The following SPIRE2 variants were observed in gnomAD, a reference collection of about 807,000 sequenced individuals.
SPIRE2 encodes the protein protein spire homolog 2.
SPIRE2 carries 76 observed loss-of-function variants against 80.7 expected under a neutral mutation model. The observed-to-expected ratio is 0.94, with a 90% confidence interval of 0.78 to 1.14. The LOEUF is 1.14. SPIRE2 is among the 50% of genes most tolerant of loss of function. The pLI, the probability that SPIRE2 is intolerant of heterozygous loss-of-function variation, is 0.00. For missense variants in SPIRE2, 1,196 were observed against 1,015.3 expected, an observed-to-expected ratio of 1.18 and a Z score of -2.42; for synonymous variants, 535 against 432.6, an observed-to-expected ratio of 1.24 and a Z score of -2.94.
chr16:89,866,570 C>A (rs1350461454), intron 12 of SPIRE2, among the ~76,000 whole-genome samples: 1 of 152,018 alleles, frequency 6.6e-6, no homozygotes, highest in Admixed American at 6.6e-5. Flanking sequence ...GCTGGGATTA[C>A]AGCGGTGAGC....
intron 14 of SPIRE2, 82 bp from the exon 15 acceptor site, chr16:89,869,968 G>A: frequency 8.1e-7 from 1 of 1,234,254 alleles, no homozygotes; most frequent in East Asian, 2.5e-5. Flanking sequence ...AGCCAGGAGG[G>A]GGCTGTGGCA....
chr16:89,849,365 G>C (rs1344389931), intron 2 of SPIRE2, among the ~76,000 whole-genome samples: 1 of 152,336 alleles, frequency 6.6e-6, no homozygotes. Flanking sequence ...CCATGCCTCC[G>C]TCCCTGTCCC....
At position 89,863,500 on chromosome 16, in the gene SPIRE2, C is replaced by G. The variant is rs766460431; in HGVS notation, c.1600C>G (p.Leu534Val). The change falls in exon 11 of 15, where the codon CTG becomes GTG. Residue 534 changes from leucine (L) to valine (V), a missense_variant. By Grantham distance (32) the Leu-to-Val change is conservative (BLOSUM62 1). Transcript: ENST00000378247. This position sits in a 1 kb window ranked among gnomAD's most constrained non-coding sequence, Gnocchi z 4.3. ...WLEFSHPVES[L>V]ALTVEEVMDV... ...GGAGTTCAGCCACCCCGTGGAGAGC[C>G]TGGCGCTGACTGTGGAAGAGGTGAT... 6.2e-7 allele frequency: 1 copy of G among 1,613,940 alleles called. No individual in the cohort carries two copies. Among genetic ancestry groups the G allele is most frequent in the East Asian group, 2.2e-5 (1 of 44,896 alleles).
intron 13 of SPIRE2, 104 bp from the exon 14 acceptor site, chr16:89,869,463 G>T: frequency 1.4e-6 from 1 of 730,740 alleles, no homozygotes; most frequent in Non-Finnish European, 2.4e-6. Context: ...GGAAGCCCTG[G>T]CTGCCACGCA....
intron 1 of SPIRE2, among the ~76,000 whole-genome samples, chr16:89,840,920 A>C (rs2041500630): frequency 6.6e-6 from 1 of 151,698 alleles, no homozygotes; most frequent in Non-Finnish European, 1.5e-5. Flanking sequence ...TACAGGCGTG[A>C]GCCACCGCGC....
At chr16:89,848,863 T>A (rs970968895) in intron 2 of SPIRE2, among the ~76,000 whole-genome samples, 6 of 148,878 alleles carry the variant, frequency 4.0e-5, no homozygotes, top group Non-Finnish European at 8.9e-5. Flanking sequence ...ACGAGGCAGG[T>A]TCCAGGGCCT....
chr16:89,841,760 C>T (rs1359158516), intron 1 of SPIRE2, among the ~76,000 whole-genome samples: 1 of 151,940 alleles, frequency 6.6e-6, no homozygotes, highest in Non-Finnish European at 1.5e-5. Context: ...TGCAGTGGCA[C>T]GATCTCGGCT....
intron 7 of SPIRE2, among the ~76,000 whole-genome samples, chr16:89,857,473 T>C (rs1356556076): frequency 6.6e-6 from 1 of 152,174 alleles, no homozygotes; most frequent in Admixed American, 6.5e-5. Flanking sequence ...GGTCTTCACC[T>C]GTATTTGCCA....
At chr16:89,860,901 G>A (rs2041737831) in intron 10 of SPIRE2, 106 bp downstream of exon 10, 1 of 691,100 alleles carries the variant, frequency 1.4e-6, no homozygotes, top group South Asian at 2.1e-5. Context: ...ACCTGTCTGG[G>A]GGGTGTGGCC....
At position 89,857,997 on chromosome 16, in the gene SPIRE2, C is replaced by A. The variant is rs2041707415; in HGVS notation, c.1103-341C>A. ...TCCTGGGTTCACGCCATTCTCCTGC[C>A]TTAGCTTCCCGAGTAGCTGGGACTA... On this transcript the variant is annotated intron_variant, in intron 7 of 14. Coordinates refer to ENST00000378247, the MANE Select transcript of SPIRE2 (RefSeq NM_032451.2). Among the ~76,000 whole-genome samples the A allele has an allele frequency of 5.3e-5, 8 of 152,068 alleles. 1 individual carries two copies. In the South Asian group the frequency reaches 1.7e-3, roughly 32 times the overall value.
intron 1 of SPIRE2, among the ~76,000 whole-genome samples, chr16:89,840,122 T>A (rs373828639): frequency 6.6e-6 from 1 of 152,076 alleles, no homozygotes; most frequent in South Asian, 2.1e-4. Context: ...TGAGGCTGCC[T>A]GGTAACCTCT....
intron 10 of SPIRE2, among the ~76,000 whole-genome samples, chr16:89,861,613 C>T (rs572524884): frequency 6.6e-6 from 1 of 152,202 alleles, no homozygotes; most frequent in African/African-American, 2.4e-5. Flanking sequence ...TATTATCTCA[C>T]AGTTTCTGAG....
Position 89,854,605 on chromosome 16 carries a change from T to C in SPIRE2, c.845T>C (p.Leu282Pro). The C allele has an allele frequency of 6.3e-7, 1 of 1,598,418 alleles. No individual in the cohort carries two copies. The highest frequency in any genetic ancestry group is 8.5e-7 in the Non-Finnish European group (1 of 1,171,072). ...TTCCAGCTCACGCCCTTCGAGATGC[T>C]GATGCAGGACATCCGGGCCCGGAAC... ...TEFQLTPFEM[L>P]MQDIRARNYK... The change falls in exon 5 of 15, where the codon CTG becomes CCG. Residue 282 changes from leucine (L) to proline (P), a missense_variant. By Grantham distance (98) the Leu-to-Pro change is moderately conservative. Transcript: ENST00000378247.
At chr16:89,866,510 G>A (rs977228707) in intron 12 of SPIRE2, among the ~76,000 whole-genome samples, 8 of 152,010 alleles carry the variant, frequency 5.3e-5, no homozygotes, top group Middle Eastern at 3.2e-3. Flanking sequence ...TGGTCAGGTT[G>A]ATCTCCAACT....
chr16:89,869,750 G>T, intron 14 of SPIRE2, 68 bp downstream of exon 14: 1 of 1,234,548 alleles, frequency 8.1e-7, no homozygotes, highest in South Asian at 1.2e-5. Flanking sequence ...TGGGAGCTGG[G>T]GTGGAGGGGG....
intron 12 of SPIRE2, among the ~76,000 whole-genome samples, chr16:89,865,983 A>AG (rs2041786009): frequency 6.6e-6 from 1 of 150,616 alleles, no homozygotes; most frequent in African/African-American, 2.4e-5. Flanking sequence ...AAAAAAAAAA[A>AG]AAAAGGTAAG....
intron 1 of SPIRE2, among the ~76,000 whole-genome samples, chr16:89,841,178 T>A (rs1460441703): frequency 9.1e-4 from 137 of 150,330 alleles, no homozygotes; most frequent in African/African-American, 3.2e-3. Flanking sequence ...AGCAACACCT[T>A]GTTTCAAAAA....
At chr16:89,856,309 T>A in intron 7 of SPIRE2, 73 bp downstream of exon 7, 2 of 1,478,364 alleles carry the variant, frequency 1.4e-6, no homozygotes, top group Non-Finnish European at 1.8e-6. Flanking sequence ...CTGGTCAGGT[T>A]GCACATTGGA....
intron 7 of SPIRE2, 56 bp downstream of exon 7, chr16:89,856,292 C>A: frequency 6.6e-7 from 1 of 1,526,478 alleles, no homozygotes. Context: ...GGGGTTCCCC[C>A]ATTCCCCTGG....
Sources: gnomAD v4.1 joint callset for allele counts (sites outside exome capture counted in the v4.1 genomes callset) on GRCh38, gnomAD v4.1.1 for gene constraint, Gnocchi (gnomAD v3.1) non-coding constraint, MANE v1.5 for transcripts, NCBI Gene and HGNC (gene_info 2026-07-23, HGNC 2026-07-21) for gene names.